THSD4: variants seen among roughly 807,000 people sequenced by gnomAD.
THSD4 encodes thrombospondin type 1 domain containing 4.
In THSD4, 69 loss-of-function variants were observed where a neutral mutation model predicts 119.0. The ratio of observed to expected loss-of-function variants is 0.58; its 90% CI spans 0.48 to 0.71. THSD4 has a LOEUF of 0.71. Ranked by LOEUF, THSD4 falls within the 30% of genes least tolerant of loss-of-function variation. The pLI is 0.00. For missense variants in THSD4, 1,393 were observed against 1,391.1 expected (o/e 1.00, Z -0.02); for synonymous variants, 524 against 540.4 (o/e 0.97, Z 0.42).
intron 7 of THSD4, among the ~76,000 whole-genome samples, chr15:71,579,338 A>G (rs1261205067): frequency 5.3e-5 from 8 of 152,212 alleles, no homozygotes; most frequent in Admixed American, 5.2e-4. Context: ...ACCGAGAGCC[A>G]GAATGTCCTC....
chr15:71,141,331 C>A (rs2040601829), intron 1 of THSD4, 118 bp from the exon 2 acceptor site: 1 of 570,346 alleles, frequency 1.8e-6, no homozygotes, highest in Non-Finnish European at 3.0e-6. Context: ...GGAACCATAA[C>A]TGGGCACTTT....
chr15:71,643,263 A>AT (rs759870963), intron 7 of THSD4, among the ~76,000 whole-genome samples: 5 of 152,150 alleles, frequency 3.3e-5, no homozygotes, highest in African/African-American at 1.2e-4. Context: ...CATAAAACAA[A>AT]TTTTTTAAAA....
chr15:71,197,240 A>G (rs1371457416), intron 3 of THSD4, among the ~76,000 whole-genome samples: 1 of 152,208 alleles, frequency 6.6e-6, no homozygotes, highest in Non-Finnish European at 1.5e-5. Context: ...CAGTACCTAG[A>G]GTGTGATAGC....
intron 7 of THSD4, among the ~76,000 whole-genome samples, chr15:71,497,205 G>A (rs796350499): frequency 3.0e-4 from 45 of 152,256 alleles, no homozygotes; most frequent in African/African-American, 1.1e-3. Flanking sequence ...GGGGAATATG[G>A]CTATGTGTCT....
intron 6 of THSD4, among the ~76,000 whole-genome samples, chr15:71,263,980 C>A (rs2044434351): frequency 6.6e-6 from 1 of 152,194 alleles, no homozygotes; most frequent in South Asian, 2.1e-4. Flanking sequence ...AAGGTGCCAC[C>A]ACACAGTCTG....
At chr15:71,740,854 C>A (rs2053220501) in intron 11 of THSD4, among the ~76,000 whole-genome samples, 1 of 152,186 alleles carries the variant, frequency 6.6e-6, no homozygotes. Context: ...TTCTGCAAAG[C>A]CTTCCTGATT....
intron 7 of THSD4, among the ~76,000 whole-genome samples, chr15:71,477,977 G>T (rs10162943): frequency 0.77 from 116,872 of 151,994 alleles, 45,117 homozygotes; most frequent in Admixed American, 0.8. Context: ...GGGAGGTGGT[G>T]TGCTCAAGCC....
At chr15:71,727,560 A>G (rs1311351630) in intron 8 of THSD4, among the ~76,000 whole-genome samples, 144 of 119,804 alleles carry the variant, frequency 1.2e-3, no homozygotes, top group African/African-American at 5.9e-3. Context: ...AAAAATATAT[A>G]TATATATATA....
intron 6 of THSD4, among the ~76,000 whole-genome samples, chr15:71,301,186 T>A (rs1402994629): frequency 2.0e-5 from 3 of 152,194 alleles, no homozygotes; most frequent in African/African-American, 7.2e-5. Flanking sequence ...TCAGCTCCAG[T>A]TTCACCACTC....
intron 14 of THSD4, among the ~76,000 whole-genome samples, chr15:71,750,892 A>C (rs893484358): frequency 2.0e-5 from 3 of 152,180 alleles, no homozygotes; most frequent in Admixed American, 6.5e-5. Context: ...CAGTGGGGGA[A>C]GGTGTTTGTG....
At chr15:71,552,285 G>A (rs528351448) in intron 7 of THSD4, among the ~76,000 whole-genome samples, 5 of 152,148 alleles carry the variant, frequency 3.3e-5, no homozygotes, top group Non-Finnish European at 5.9e-5. Context: ...TTTTTATGAC[G>A]TGTCATTTAG....
chr15:71,098,381 A>G (rs1355353590), intron 1 of THSD4, among the ~76,000 whole-genome samples: 1 of 151,438 alleles, frequency 6.6e-6, no homozygotes, highest in African/African-American at 2.4e-5. Context: ...GTATTTTTGT[A>G]GAGATGGGAT....
At chr15:71,205,815 T>G (rs937258471) in intron 3 of THSD4, among the ~76,000 whole-genome samples, 1 of 152,064 alleles carries the variant, frequency 6.6e-6, no homozygotes, top group Non-Finnish European at 1.5e-5. Context: ...CTCAGATGAT[T>G]TATCACCATA....
chr15:71,617,678 C>G (rs182958301), intron 7 of THSD4, among the ~76,000 whole-genome samples: 14 of 152,302 alleles, frequency 9.2e-5, no homozygotes, highest in Admixed American at 8.5e-4. Flanking sequence ...GTTATTACCT[C>G]TGGGCCCTAG....
chr15:71,414,687 C>A lies in THSD4; in HGVS notation c.1152+2864C>A, dbSNP rs140865074. Among the ~76,000 whole-genome samples, 877 of 152,230 alleles carry A rather than the reference C, an allele frequency of 5.8e-3. 10 individuals are homozygous for A. Among genetic ancestry groups the A allele is most frequent in the African/African-American group, 0.02 (846 of 41,526 alleles). On this transcript the variant is annotated intron_variant, in intron 7 of 17. Coordinates refer to ENST00000261862, the MANE Select transcript of THSD4 (RefSeq NM_024817.3). Reference sequence around the variant, plus strand: ...ATTAGCTGATGATATAAAAGAAAAGCAAACACTTATAAGGACATGGGTATG... The same window carrying A: ...ATTAGCTGATGATATAAAAGAAAAGAAAACACTTATAAGGACATGGGTATG...
chr15:71,157,736 GTCTT>G (rs2040793850), intron 3 of THSD4, among the ~76,000 whole-genome samples: 1 of 92,622 alleles, frequency 1.1e-5, no homozygotes, highest in Non-Finnish European at 2.1e-5. Context: ...TGTGGTATTT[GTCTT>G]TCTGTGTCGG....
rs2043277333 is a variant in THSD4 at position 71,164,765 on chromosome 15, C to G, written c.99+9833C>G. Reference sequence around the variant, plus strand: ...ACAAGAAAAAAAAACTGCGCTAGAACCAACTTATTCATCATCATCATCTTC... The same window carrying G: ...ACAAGAAAAAAAAACTGCGCTAGAAGCAACTTATTCATCATCATCATCTTC... On this transcript the variant is annotated intron_variant, in intron 3 of 17. Coordinates refer to ENST00000261862, the MANE Select transcript of THSD4 (RefSeq NM_024817.3). 5.2e-5 allele frequency: 83 copies of G among 1,594,128 alleles called. No homozygotes were observed. The South Asian group carries it at 9.2e-4, about 18-fold the overall frequency.
intron 5 of THSD4, among the ~76,000 whole-genome samples, chr15:71,255,526 T>C (rs137923532): frequency 6.6e-6 from 1 of 152,338 alleles, no homozygotes; most frequent in East Asian, 1.9e-4. Flanking sequence ...ATTTACTGAA[T>C]AATAATCCTT....
At position 71,097,654 on chromosome 15, in the gene THSD4, G is replaced by A. The variant is rs2040236534; in HGVS notation, c.-80+648G>A. ...AAGAGACAGATAGGTTACAGATGTT[G>A]TTATACGTTATATCTTATAATTTAC... On this transcript the variant is annotated intron_variant, in intron 1 of 17. Coordinates refer to the THSD4 transcript ENST00000355327. Among the ~76,000 whole-genome samples, 4 of 149,704 alleles carry A rather than the reference G, an allele frequency of 2.7e-5. No individual in the cohort carries two copies. The South Asian group carries it at 8.4e-4, about 32-fold the overall frequency.
Sources: gnomAD v4.1 joint callset for allele counts (sites outside exome capture counted in the v4.1 genomes callset) on GRCh38, gnomAD v4.1.1 for gene constraint, MANE v1.5 for transcripts, NCBI Gene and HGNC (gene_info 2026-07-23, HGNC 2026-07-21) for gene names.